Variants in DOCK7 observed in about 807,000 individuals in gnomAD.
The protein encoded by DOCK7 is dedicator of cytokinesis 7.
DOCK7 carries 138 observed loss-of-function variants against 271.0 expected under a neutral mutation model. The observed-to-expected ratio is 0.51, with a 90% CI of 0.44 to 0.59. The LOEUF is 0.59. DOCK7 is among the 20% of genes least tolerant of loss of function. DOCK7 has a pLI of 0.00. For synonymous variants in DOCK7, 823 were observed against 876.1 expected (o/e 0.94, Z 1.07); for missense variants, 2,066 against 2,592.4 (o/e 0.80, Z 4.41).
chr1:62,528,366 TA>T lies in DOCK7; in HGVS notation c.3782-62del, dbSNP rs1279400139. The T allele has an allele frequency of 2.1e-6, 3 of 1,397,184 alleles. No homozygotes were observed. The Admixed American group carries it at 7.0e-5, about 32-fold the overall frequency. 86.5% of individuals were successfully genotyped at this position (1,397,184 alleles called of 1,614,324 possible). On this transcript the variant is annotated intron_variant, in intron 30 of 49. Coordinates refer to ENST00000635253, the MANE Select transcript of DOCK7 (RefSeq NM_001367561.1). Reference sequence around the variant, plus strand: ...GTTTAGCTGAACTAATTCCCTTTCCTATTCTCCACTATTCTTTAAAAGAATA... The same window carrying T: ...GTTTAGCTGAACTAATTCCCTTTCCTTTCTCCACTATTCTTTAAAAGAATA...
intron 48 of DOCK7, among the ~76,000 whole-genome samples, chr1:62,472,095 GTTTT>G (rs149717026): frequency 2.0e-5 from 3 of 151,084 alleles, no homozygotes; most frequent in Non-Finnish European, 4.4e-5. Flanking sequence ...CTGTTATTTC[GTTTT>G]TTTTGTTTTG....
At chr1:62,572,513 C>G (rs1646815821) in intron 18 of DOCK7, among the ~76,000 whole-genome samples, 3 of 152,170 alleles carry the variant, frequency 2.0e-5, no homozygotes, top group Non-Finnish European at 4.4e-5. Flanking sequence ...GTGACTTAAA[C>G]AGCAGATATT....
Position 62,543,719 on chromosome 1 carries a change from C to A in DOCK7, c.2886G>T (p.Met962Ile). 6.3e-7 allele frequency: 1 copy of A among 1,598,450 alleles called. No individual in the cohort carries two copies. The highest frequency in any genetic ancestry group is 1.7e-5 in the Admixed American group (1 of 59,852). The stretch of plus-strand genomic sequence containing the variant: ...AACTTGACGTCTCTGTGTGCGAAGA[C>A]ATACGATTACAACTTCGATCCATAG... ...TQAMDRSCNRMSSHTETSSFL... is the reference protein window; with the variant it reads ...TQAMDRSCNRISSHTETSSFL... The change falls in exon 24 of 50, where the codon ATG becomes ATT. Residue 962 changes from methionine to isoleucine, a missense_variant. Transcript: ENST00000635253.
intron 16 of DOCK7, 45 bp from the exon 17 acceptor site, chr1:62,579,011 AAAAT>A (rs1478599534): frequency 1.4e-6 from 2 of 1,481,168 alleles, no homozygotes; most frequent in Non-Finnish European, 1.8e-6. Flanking sequence ...TAATTTGTCC[AAAAT>A]AAATAATGTA....
chr1:62,556,652 T>C (rs980965211), intron 20 of DOCK7, among the ~76,000 whole-genome samples: 4 of 152,256 alleles, frequency 2.6e-5, no homozygotes, highest in South Asian at 4.1e-4. Flanking sequence ...AATTGGAGAA[T>C]TGTGATAAAT....
chr1:62,588,748 TA>T (rs981763947), intron 14 of DOCK7, among the ~76,000 whole-genome samples: 19 of 152,162 alleles, frequency 1.2e-4, no homozygotes, highest in African/African-American at 3.9e-4. Context: ...AAAATTTATT[TA>T]TTTTTTTAAG....
chr1:62,529,226 T>C, intron 30 of DOCK7, 51 bp downstream of exon 30: 1 of 1,482,920 alleles, frequency 6.7e-7, no homozygotes. Context: ...TTTCTAACAC[T>C]TTTAAACATT....
chr1:62,639,417 T>G (rs1047297473), intron 7 of DOCK7, among the ~76,000 whole-genome samples: 1 of 148,754 alleles, frequency 6.7e-6, no homozygotes, highest in African/African-American at 2.5e-5. Flanking sequence ...GTGCAAACTT[T>G]GTAATACTCT....
intron 32 of DOCK7, 53 bp from the exon 33 acceptor site, chr1:62,513,659 T>G (rs1644568759): frequency 1.2e-6 from 2 of 1,602,976 alleles, no homozygotes; most frequent in African/African-American, 2.7e-5. Context: ...TTCTTCTATT[T>G]TTTCCACATT....
Position 62,529,335 on chromosome 1 carries a change from C to A in DOCK7, c.3723G>T (p.Leu1241Phe), listed in dbSNP as rs745804830. ...TGATAATACCAATCAGAGGTAGATA[C>A]AACATGGCCACTCGAGCCTTTATCT... is the stretch of plus-strand genomic sequence containing the variant. ...DPQIKARVAMLYLPLIGIIME... is the reference protein window; with the variant it reads ...DPQIKARVAMFYLPLIGIIME... Residue 1241 changes from leucine (L) to phenylalanine (F), a missense_variant, in exon 30 of 50, where the codon TTG (leucine) becomes TTT (phenylalanine). Around this residue, in one of 2 missense-constraint regions of DOCK7, gnomAD observed 1,414 missense variants for 1,670.4 expected, o/e 0.85. Coordinates refer to ENST00000635253, the MANE Select transcript of DOCK7 (RefSeq NM_001367561.1). The A allele has an allele frequency of 1.9e-6, 3 of 1,613,428 alleles. No individual in the cohort carries two copies. The highest frequency in any genetic ancestry group is 2.2e-5 in the East Asian group (1 of 44,834).
rs530794571 is a variant in DOCK7, at chr1:62,612,054, G to C, written c.1682+6652C>G. Reference sequence around the variant, plus strand: ...ACCTGTAGTCCCACCTACTTGGGAGGCTGAGGCAGGAAAATTGCTTGAACC... The same window carrying C: ...ACCTGTAGTCCCACCTACTTGGGAGCCTGAGGCAGGAAAATTGCTTGAACC... On this transcript the variant is annotated intron_variant, in intron 14 of 49. Transcript: ENST00000635253. Among the ~76,000 whole-genome samples the C allele has an allele frequency of 3.3e-5, 5 of 152,074 alleles. No homozygotes were observed. In the East Asian group the frequency reaches 9.7e-4, roughly 29 times the overall value.
At chr1:62,669,909 C>T (rs1459966888) in intron 1 of DOCK7, among the ~76,000 whole-genome samples, 3 of 152,326 alleles carry the variant, frequency 2.0e-5, no homozygotes, top group Non-Finnish European at 2.9e-5. Context: ...GAGCGGGAAC[C>T]GGGGCTGTGT....
chr1:62,573,989 A>G (rs1250802249), intron 18 of DOCK7, among the ~76,000 whole-genome samples: 1 of 152,154 alleles, frequency 6.6e-6, no homozygotes, highest in Non-Finnish European at 1.5e-5. Flanking sequence ...AAGAGTATGG[A>G]AAAGGGGAGG....
chr1:62,670,245 C>T (rs534003354), intron 1 of DOCK7, among the ~76,000 whole-genome samples: 7 of 152,380 alleles, frequency 4.6e-5, no homozygotes, highest in Admixed American at 2.0e-4. Context: ...CGCCCAGTCC[C>T]ATCAACCACC....
rs1646919023 is a variant in DOCK7 at position 62,505,765 on chromosome 1, C to T, written c.4528G>A (p.Val1510Met). The change falls in exon 36 of 50, where the codon GTG (valine) becomes ATG (methionine). Residue 1510 changes from valine (V) to methionine (M), a missense_variant. Coordinates refer to ENST00000635253, the MANE Select transcript of DOCK7 (RefSeq NM_001367561.1). Reference sequence around the variant, plus strand: ...TTACAGGCCATGCTGTGTAGTAGCACTTTTAGCACTCCACCAAGAATGCTC... The same window carrying T: ...TTACAGGCCATGCTGTGTAGTAGCATTTTTAGCACTCCACCAAGAATGCTC... ...KESILGGVLK[V>M]LLHSMACNQS... 6 of 1,613,342 alleles carry T rather than the reference C, an allele frequency of 3.7e-6. No homozygotes were observed. The highest frequency in any genetic ancestry group is 5.1e-6 in the Non-Finnish European group (6 of 1,179,678).
chr1:62,568,807 T>G (rs888827290), intron 18 of DOCK7, among the ~76,000 whole-genome samples: 7 of 140,850 alleles, frequency 5.0e-5, no homozygotes, highest in African/African-American at 8.0e-5. Context: ...CCAGAAGCTG[T>G]TTTTTTTTTT....
At chr1:62,604,116 T>C (rs763104631) in intron 14 of DOCK7, 4 of 1,613,394 alleles carry the variant, frequency 2.5e-6, no homozygotes, top group Admixed American at 1.7e-5. Context: ...AACTATACGC[T>C]ACATCTAGTT....
intron 1 of DOCK7, among the ~76,000 whole-genome samples, chr1:62,682,730 G>A (rs1023291298): frequency 3.9e-5 from 6 of 152,154 alleles, no homozygotes; most frequent in Non-Finnish European, 7.3e-5. Flanking sequence ...GGAGAAATGT[G>A]ACAAGGAAAG....
chr1:62,472,029 T>C (rs998081232), intron 48 of DOCK7, among the ~76,000 whole-genome samples: 2 of 151,250 alleles, frequency 1.3e-5, no homozygotes, highest in Admixed American at 6.6e-5. Flanking sequence ...ATAAAAAATG[T>C]AGTATTGGCT....
Sources: gnomAD v4.1 joint callset for allele counts (sites outside exome capture counted in the v4.1 genomes callset) on GRCh38, gnomAD v4.1.1 for gene constraint, gnomAD v4.1.1 regional missense constraint, MANE v1.5 for transcripts, NCBI Gene and HGNC (gene_info 2026-07-23, HGNC 2026-07-21) for gene names.